The following PCDHGA4 variants were observed in gnomAD, a reference collection of about 807,000 sequenced individuals.
The protein encoded by PCDHGA4 is protocadherin gamma-A4.
PCDHGA4 carries 38 observed loss-of-function variants against 54.6 expected under a neutral mutation model. The observed-to-expected ratio is 0.70, with a 90% CI of 0.54 to 0.91. PCDHGA4 has a LOEUF of 0.91. PCDHGA4 is among the 40% of genes least tolerant of loss of function. The probability of loss-of-function intolerance (pLI) is 0.00; values close to 1 mark genes in which losing one functional copy is unlikely to be tolerated. For missense variants in PCDHGA4, 1,298 were observed against 1,220.9 expected (o/e 1.06, Z -0.94); for synonymous variants, 511 against 512.9 (o/e 1.00, Z 0.05).
At chr5:141,435,214 A>T (rs1314928643) in intron 1 of PCDHGA4, among the ~76,000 whole-genome samples, 1 of 152,176 alleles carries the variant, frequency 6.6e-6, no homozygotes, top group Non-Finnish European at 1.5e-5. Context: ...AAGTGAATTT[A>T]CTTTCTTTCA....
intron 1 of PCDHGA4, chr5:141,370,924 A>C: frequency 6.2e-7 from 1 of 1,613,968 alleles, no homozygotes; most frequent in Non-Finnish European, 8.5e-7. Context: ...CCTGATCCGC[A>C]CTTCTCTTTG....
At position 141,489,947 on chromosome 5, in the gene PCDHGA4, A is replaced by G. The variant is rs368977481; in HGVS notation, c.2515-4860A>G. The G allele has an allele frequency of 5.4e-5, 87 of 1,614,090 alleles. No individual in the cohort carries two copies. Among genetic ancestry groups the G allele is most frequent in the South Asian group, 6.6e-5 (6 of 91,094 alleles). ...ATCTCTGTCATCGTGCTGGACATCA[A>G]TGATAATGCTCCAACCTTCCAATCC... On this transcript the variant is annotated intron_variant, in intron 1 of 3. Transcript: ENST00000571252. This position sits in a 1 kb window ranked among gnomAD's most constrained non-coding sequence, Gnocchi z 4.5.
intron 1 of PCDHGA4, chr5:141,403,667 GC>G: frequency 6.2e-7 from 1 of 1,613,910 alleles, no homozygotes; most frequent in Non-Finnish European, 8.5e-7. Context: ...AAATGATAAT[GC>G]CCCGGTTTTT....
chr5:141,485,805 T>C lies in PCDHGA4; in HGVS notation c.2515-9002T>C, dbSNP rs753916789. ...GAGAAGCAATCGGACTACCGCCTGG[T>C]GCTGACTGCTGTCGATGGAGGGAAC... On this transcript the variant is annotated intron_variant, in intron 1 of 3. Coordinates refer to ENST00000571252, the MANE Select transcript of PCDHGA4 (RefSeq NM_018917.4). The surrounding 1 kb of genome is among the most constrained non-coding windows in gnomAD (Gnocchi z 5.7). 1.2e-6 allele frequency: 2 copies of C among 1,614,198 alleles called. No individual in the cohort carries two copies. The highest frequency in any genetic ancestry group is 1.7e-6 in the Non-Finnish European group (2 of 1,180,026).
At chr5:141,410,583 G>A (rs1257322419) in intron 1 of PCDHGA4, 1 of 1,610,052 alleles carries the variant, frequency 6.2e-7, no homozygotes, top group African/African-American at 1.3e-5. Context: ...CCTCATGGTG[G>A]GGAGGATTTG....
At chr5:141,430,484 C>T (rs894612928) in intron 1 of PCDHGA4, 2 of 256,238 alleles carry the variant, frequency 7.8e-6, no homozygotes, top group African/African-American at 4.4e-5. Context: ...GATATAAAAA[C>T]GAAATATCCT....
chr5:141,381,354 G>T (rs1163041754), intron 1 of PCDHGA4, among the ~76,000 whole-genome samples: 1 of 152,202 alleles, frequency 6.6e-6, no homozygotes, highest in Admixed American at 6.5e-5. Context: ...CTTTCTGCTA[G>T]CAGAGGGTAG....
intron 1 of PCDHGA4, chr5:141,471,252 T>A (rs1003162914): frequency 6.6e-6 from 1 of 151,872 alleles, no homozygotes; most frequent in Admixed American, 6.6e-5. Flanking sequence ...GGTTTCACCA[T>A]GTTGGCAAGG....
rs1289513674 is a variant in PCDHGA4 at position 141,432,063 on chromosome 5, A to T, written c.2515-62744A>T. On this transcript the variant is annotated intron_variant, in intron 1 of 3. Coordinates refer to ENST00000571252, the MANE Select transcript of PCDHGA4 (RefSeq NM_018917.4). The surrounding 1 kb of genome is among the most constrained non-coding windows in gnomAD (Gnocchi z 6.0). ...CGGGGAACCCCGCCCCTATCCACGG[A>T]AACTCATATCTCGCTGAACGTGGCA... The T allele has an allele frequency of 8.7e-6, 14 of 1,614,134 alleles. No individual in the cohort carries two copies. The highest frequency in any genetic ancestry group is 1.2e-5 in the Non-Finnish European group (14 of 1,180,028).
chr5:141,408,243 G>A lies in PCDHGA4; in HGVS notation c.2514+50622G>A, dbSNP rs372221747. ...GCGCAGAGGCGCCGGGCCGGCCCGC[G>A]GCAGGTGCTATTTCCTTTGCTGCTG... On this transcript the variant is annotated intron_variant, in intron 1 of 3. Transcript: ENST00000571252. 7 of 1,583,996 alleles carry A rather than the reference G, an allele frequency of 4.4e-6. 1 individual carries two copies. The highest frequency in any genetic ancestry group is 5.2e-6 in the Non-Finnish European group (6 of 1,164,814).
In PCDHGA4 at chr5:141,432,278, A is replaced by G. The variant is rs923930127; in HGVS notation, c.2515-62529A>G. On this transcript the variant is annotated intron_variant, in intron 1 of 3. Transcript: ENST00000571252. The surrounding 1 kb of genome is among the most constrained non-coding windows in gnomAD (Gnocchi z 6.0). ...GGCAAGCCTATCGTCCTACGTGTCC[A>G]TCAACTCCGACACTGGGGTACTGTA... 3.7e-5 allele frequency: 59 copies of G among 1,614,078 alleles called. No individual in the cohort carries two copies. Among genetic ancestry groups the G allele is most frequent in the Non-Finnish European group, 4.7e-5 (55 of 1,180,036 alleles).
chr5:141,450,207 A>AAGG (rs1164364390), intron 1 of PCDHGA4, among the ~76,000 whole-genome samples: 13 of 151,832 alleles, frequency 8.6e-5, no homozygotes, highest in Non-Finnish European at 1.8e-4. Flanking sequence ...TAGTAGAGAC[A>AAGG]AGGTTTCACT....
intron 1 of PCDHGA4, chr5:141,405,437 T>C: frequency 7.0e-7 from 1 of 1,433,230 alleles, no homozygotes; most frequent in Non-Finnish European, 9.6e-7. Flanking sequence ...GTTTTGTTTT[T>C]GAGACAGAGT....
intron 1 of PCDHGA4, among the ~76,000 whole-genome samples, 197 bp from the exon 2 acceptor site, chr5:141,494,610 T>C (rs1428159953): frequency 6.6e-6 from 1 of 152,152 alleles, no homozygotes; most frequent in Non-Finnish European, 1.5e-5. Flanking sequence ...GATTTATCTC[T>C]TGGTTTCTGG....
chr5:141,405,327 G>A, intron 1 of PCDHGA4: 1 of 1,614,166 alleles, frequency 6.2e-7, no homozygotes. Flanking sequence ...GAGCCTTTGT[G>A]CGTCTCTGTT....
intron 1 of PCDHGA4, among the ~76,000 whole-genome samples, chr5:141,433,449 T>C (rs2097611087): frequency 6.6e-6 from 1 of 152,068 alleles, no homozygotes; most frequent in Non-Finnish European, 1.5e-5. Context: ...TTGAGCAGGC[T>C]GATCTGAAAC....
Position 141,375,974 on chromosome 5 carries a change from G to A in PCDHGA4, c.2514+18353G>A, listed in dbSNP as rs181747779. Reference sequence around the variant, plus strand: ...CACGGGCGAGGTGCGCACGGCGCGCGCCCTGCTGGACAGAGACGCGCTCAA... The same window carrying A: ...CACGGGCGAGGTGCGCACGGCGCGCACCCTGCTGGACAGAGACGCGCTCAA... On this transcript the variant is annotated intron_variant, in intron 1 of 3. Transcript: ENST00000571252. 26 of 1,613,354 alleles carry A rather than the reference G, an allele frequency of 1.6e-5. No individual in the cohort carries two copies. The South Asian group carries it at 2.0e-4, about 12-fold the overall frequency.
chr5:141,355,580 A>T lies in PCDHGA4; in HGVS notation c.473A>T (p.Asn158Ile), dbSNP rs1204408500. 1 of 1,614,038 alleles carries T rather than the reference A, an allele frequency of 6.2e-7. No homozygotes were observed. Among genetic ancestry groups the T allele is most frequent in the Admixed American group, 1.7e-5 (1 of 60,036 alleles). Residue 158 changes from asparagine (N) to isoleucine (I), a missense_variant, in exon 1 of 4, where the codon AAT becomes ATT. Transcript: ENST00000571252. Reference protein sequence around the residue: ...LRVEVEIIDVNDNPPSFGTEQ... With the variant: ...LRVEVEIIDVIDNPPSFGTEQ... ...GTAGAGGTGGAAATAATCGATGTTA[A>T]TGATAACCCACCCAGTTTTGGGACA...
chr5:141,404,718 C>G (rs747745561), intron 1 of PCDHGA4: 1 of 1,614,072 alleles, frequency 6.2e-7, no homozygotes, highest in Admixed American at 1.7e-5. Context: ...TACCTGGTGA[C>G]CAAGGTGGTG....
Sources: allele counts gnomAD v4.1 joint callset (sites outside exome capture counted in the v4.1 genomes callset), GRCh38; gene constraint gnomAD v4.1.1; non-coding constraint Gnocchi (gnomAD v3.1); transcripts MANE v1.5; gene names NCBI Gene and HGNC (gene_info 2026-07-23, HGNC 2026-07-21).